IL3RA: variants seen among roughly 807,000 people sequenced by gnomAD.
The protein encoded by IL3RA is interleukin 3 receptor subunit alpha, also known as interleukin-3 receptor subunit alpha.
A neutral mutation model predicts 52.3 loss-of-function variants in IL3RA; 73 were observed. The ratio of observed to expected loss-of-function variants is 1.40; its 90% CI spans 1.16 to 1.70. The LOEUF (loss-of-function observed/expected upper bound fraction) is 1.70. Among genes scored for constraint, IL3RA ranks in the 40% most tolerant of loss-of-function variants. The pLI is 0.00. For synonymous variants in IL3RA, 260 were observed against 194.0 expected (o/e 1.34, Z -2.83); for missense variants, 664 against 504.4 (o/e 1.32, Z -3.03).
chrX:1,377,372 C>G (rs1224881632), intron 9 of IL3RA, among the ~76,000 whole-genome samples: 1 of 151,882 alleles, frequency 6.6e-6, no homozygotes, highest in Non-Finnish European at 1.5e-5. Flanking sequence ...TTCTGAGTAG[C>G]TGGGATGACA....
At chrX:1,381,304 A>G (rs1242544179) in intron 11 of IL3RA, among the ~76,000 whole-genome samples, 200 bp downstream of exon 11, 5 of 151,072 alleles carry the variant, frequency 3.3e-5, no homozygotes, top group African/African-American at 4.8e-5. Flanking sequence ...AGGCTGAGGG[A>G]GGAGGATCAC....
At position 1,382,598 on chromosome X, in the gene IL3RA, T is replaced by C; in HGVS notation, c.*133T>C. ...CCTAACGGGTGGTGGGCATGGGAGATGCCTGTGTAATTTCGTCCGAAGCTG... is the reference window on the plus strand; with the variant it reads ...CCTAACGGGTGGTGGGCATGGGAGACGCCTGTGTAATTTCGTCCGAAGCTG... On this transcript the variant is annotated 3_prime_UTR_variant, in exon 12 of 12. Coordinates refer to ENST00000331035, the MANE Select transcript of IL3RA (RefSeq NM_002183.4). 1 of 785,270 alleles carries C rather than the reference T, an allele frequency of 1.3e-6. No homozygotes were observed. Among genetic ancestry groups the C allele is most frequent in the South Asian group, 1.5e-5 (1 of 68,264 alleles). The allele number at this position is 785,270 out of a possible 1,614,324, so 48.6% of individuals were successfully genotyped here.
At position 1,373,847 on chromosome X, in the gene IL3RA, A is replaced by G. The variant is rs1280429485; in HGVS notation, c.875-4812A>G. 3.9e-5 allele frequency among the ~76,000 whole-genome samples: 3 copies of G among 75,966 alleles called. 1 individual carries two copies. The highest frequency in any genetic ancestry group is 6.7e-5 in the Non-Finnish European group (3 of 45,078). The allele number at this position is 75,966 out of a possible 152,430, so 49.8% of individuals were successfully genotyped here. On this transcript the variant is annotated intron_variant, in intron 9 of 11. Transcript: ENST00000331035. ...GGAACAACCCTGTGAGGACACAGGG[A>G]GAAGACGGCATCTCCAAGCCCAGGA...
chrX:1,361,405 G>T (rs1365086373), intron 8 of IL3RA, among the ~76,000 whole-genome samples: 3 of 152,090 alleles, frequency 2.0e-5, no homozygotes, highest in Non-Finnish European at 2.9e-5. Context: ...CACGATCACG[G>T]CAGAAGGTGA....
rs2149224179 is a variant in IL3RA, at chrX:1,380,110, TC to T, written c.981-912del. ...AGTTTCTCCGTGTTGATCAGGCTGG[TC>T]TTGAACTCCTCACCTCAGTTGATCT... On this transcript the variant is annotated intron_variant, in intron 10 of 11. Coordinates refer to ENST00000331035, the MANE Select transcript of IL3RA (RefSeq NM_002183.4). Among the ~76,000 whole-genome samples the T allele has an allele frequency of 2.0e-5, 3 of 151,846 alleles. No homozygotes were observed. In the South Asian group the frequency reaches 6.3e-4, roughly 32 times the overall value.
intron 10 of IL3RA, among the ~76,000 whole-genome samples, chrX:1,379,218 C>T (rs1328501443): frequency 3.3e-5 from 5 of 151,792 alleles, no homozygotes; most frequent in East Asian, 1.9e-4. Flanking sequence ...TGCAGTGGCT[C>T]GATCTCGGCT....
chrX:1,343,014 G>T (rs2085554334), intron 2 of IL3RA, among the ~76,000 whole-genome samples: 1 of 151,670 alleles, frequency 6.6e-6, no homozygotes, highest in Non-Finnish European at 1.5e-5. Flanking sequence ...GGAGGAGGTT[G>T]CAGTGAGCCT....
intron 8 of IL3RA, among the ~76,000 whole-genome samples, chrX:1,362,743 C>A (rs1427890690): frequency 1.3e-5 from 2 of 151,906 alleles, no homozygotes; most frequent in African/African-American, 2.4e-5. Context: ...CTCCACATGG[C>A]CTTCTCCTCT....
At chrX:1,360,649 G>C (rs1188383226) in intron 8 of IL3RA, among the ~76,000 whole-genome samples, 1 of 151,740 alleles carries the variant, frequency 6.6e-6, no homozygotes, top group Non-Finnish European at 1.5e-5. Flanking sequence ...CTCCCAAGTA[G>C]CTGGGATTAC....
intron 8 of IL3RA, among the ~76,000 whole-genome samples, chrX:1,360,213 CATCTCTTTCTCTGTGTCTGTCTCTGTAT>C (rs1386122290): frequency 7.0e-6 from 1 of 142,818 alleles, no homozygotes; most frequent in Non-Finnish European, 1.5e-5. Flanking sequence ...CCTCCCTCCC[CATCTCTTTCTCTGTGTCTGTCTCTGTAT>C]CTCTCTCCCT....
rs746621984 is a variant in IL3RA at position 1,382,280 on chromosome X, A to G, written c.1063-111A>G. 1.5e-3 allele frequency: 503 copies of G among 344,696 alleles called. 1 individual carries two copies. Among genetic ancestry groups the G allele is most frequent in the Middle Eastern group, 2.4e-3 (2 of 828 alleles). 21.4% of individuals were successfully genotyped at this position (344,696 alleles called of 1,614,324 possible). ...GCTGGGATGACAGGCGTGAGACACC[A>G]TGCCTGGCCCACAGAGCAGATCTGA... On this transcript the variant is annotated intron_variant, in intron 11 of 11. Transcript: ENST00000331035.
rs7471052 is a variant in IL3RA, at chrX:1,336,907, T to C, written c.-58T>C. 0.62 allele frequency: 93,558 copies of C among 152,038 alleles called. 29,488 individuals are homozygous for C. Among genetic ancestry groups the C allele is most frequent in the Middle Eastern group, 0.76 (223 of 294 alleles). 9.4% of individuals were successfully genotyped at this position (152,038 alleles called of 1,614,324 possible). The stretch of plus-strand genomic sequence containing the variant: ...CACGAAGGCTGTTTCTTCCACACAG[T>C]ACTTTGATCTCCATTTAAGGTAAGG... On this transcript the variant is annotated 5_prime_UTR_variant, in exon 1 of 12. Transcript: ENST00000331035.
At chrX:1,361,625 C>T (rs376378551) in intron 8 of IL3RA, among the ~76,000 whole-genome samples, 8 of 151,942 alleles carry the variant, frequency 5.3e-5, no homozygotes, top group African/African-American at 1.4e-4. Flanking sequence ...TGGTGGCAGG[C>T]GCCTGTGGTC....
intron 9 of IL3RA, among the ~76,000 whole-genome samples, chrX:1,366,672 AGCGGGGTGC>A (rs1398528481): frequency 9.4e-5 from 1 of 10,680 alleles, no homozygotes; most frequent in African/African-American, 1.0e-3. Flanking sequence ...GCCCCGGGTG[AGCGGGGTGC>A]GCGGGGTGAG....
At chrX:1,341,872 T>TG (rs745345758) in intron 2 of IL3RA, 43 bp downstream of exon 2, 35 of 1,597,600 alleles carry the variant, frequency 2.2e-5, no homozygotes, top group Non-Finnish European at 2.8e-5. Flanking sequence ...TGGGGAGCGG[T>TG]GGGGGTAGAC....
chrX:1,358,223 CT>C (rs1437445708), intron 7 of IL3RA, among the ~76,000 whole-genome samples: 1 of 152,264 alleles, frequency 6.6e-6, no homozygotes, highest in East Asian at 1.9e-4. Flanking sequence ...GTTGCACCCC[CT>C]ACCTAGTTCG....
chrX:1,377,586 T>C (rs1335909939), intron 9 of IL3RA, among the ~76,000 whole-genome samples: 4 of 151,900 alleles, frequency 2.6e-5, no homozygotes, highest in Non-Finnish European at 4.4e-5. Context: ...GACTTTTTTA[T>C]GGCAGTCCCA....
intron 1 of IL3RA, among the ~76,000 whole-genome samples, chrX:1,341,492 A>G (rs1292163769): frequency 6.6e-6 from 1 of 152,168 alleles, no homozygotes; most frequent in Non-Finnish European, 1.5e-5. Flanking sequence ...ACACATATAG[A>G]CCCATGTACA....
chrX:1,346,354 G>C (rs1230152423), intron 3 of IL3RA, among the ~76,000 whole-genome samples: 1 of 151,914 alleles, frequency 6.6e-6, no homozygotes, highest in African/African-American at 2.4e-5. Flanking sequence ...CAGGAGAATC[G>C]CTTGAACCCG....
Sources: gnomAD v4.1 joint callset for allele counts (sites outside exome capture counted in the v4.1 genomes callset) on GRCh38, gnomAD v4.1.1 for gene constraint, MANE v1.5 for transcripts, NCBI Gene and HGNC (gene_info 2026-07-23, HGNC 2026-07-21) for gene names.